Variants in TBX20 observed in about 807,000 individuals in gnomAD.
The protein encoded by TBX20 is T-box transcription factor TBX20.
Under a neutral mutation model 42.9 loss-of-function variants are expected in TBX20, and 8 were observed. The observed-to-expected ratio is 0.19, with a 90% CI of 0.11 to 0.34. TBX20 has a LOEUF of 0.34. Ranked by LOEUF, TBX20 falls within the 10% of genes least tolerant of loss-of-function variation. TBX20 has a pLI of 1.00. For synonymous variants in TBX20, 198 were observed against 222.8 expected (o/e 0.89, Z 0.99); for missense variants, 411 against 566.0 (o/e 0.73, Z 2.78).
At position 35,219,686 on chromosome 7, in the gene TBX20, T is replaced by C. The variant is rs193278670; in HGVS notation, c.890+11818A>G. On this transcript the variant is annotated intron_variant, in intron 6 of 7. Coordinates refer to ENST00000408931, the MANE Select transcript of TBX20 (RefSeq NM_001077653.2). ...CTTTCTTTCCAGCACCATAAATTAT[T>C]ATGAAAGATCCAGGAATTATTCACA... 5.3e-5 allele frequency among the ~76,000 whole-genome samples: 8 copies of C among 152,358 alleles called. No homozygotes were observed. The East Asian group carries it at 1.2e-3, about 22-fold the overall frequency.
intron 6 of TBX20, among the ~76,000 whole-genome samples, chr7:35,218,864 G>A (rs2532156): frequency 6.6e-6 from 1 of 152,142 alleles, no homozygotes; most frequent in African/African-American, 2.4e-5. Context: ...TCATGAATGA[G>A]ACTAGTGCCC....
At chr7:35,219,731 A>T (rs1034587238) in intron 6 of TBX20, among the ~76,000 whole-genome samples, 1 of 152,204 alleles carries the variant, frequency 6.6e-6, no homozygotes, top group Non-Finnish European at 1.5e-5. Context: ...TTCTTTAGCA[A>T]CTCTGCCAAA....
intron 7 of TBX20, 38 bp from the exon 8 acceptor site, chr7:35,202,808 G>A: frequency 1.3e-6 from 2 of 1,497,854 alleles, no homozygotes; most frequent in South Asian, 2.4e-5. Flanking sequence ...GAAACACTGT[G>A]TCAATGTACA....
chr7:35,234,975 G>C (rs569355143), intron 5 of TBX20, among the ~76,000 whole-genome samples: 2 of 152,076 alleles, frequency 1.3e-5, no homozygotes, highest in African/African-American at 4.8e-5. Context: ...GAATCTACTA[G>C]GGTGTCCACA....
intron 6 of TBX20, among the ~76,000 whole-genome samples, chr7:35,207,603 T>C (rs1789421378): frequency 6.6e-6 from 1 of 152,186 alleles, no homozygotes; most frequent in Non-Finnish European, 1.5e-5. Context: ...TTTCTGTAAG[T>C]GTTATAGTGT....
In TBX20 at chr7:35,244,989, T is replaced by G; in HGVS notation, c.614A>C (p.Lys205Thr). Reference protein sequence around the residue: ...QLLKQMVSFEKVKLTNNELDQ... With the variant: ...QLLKQMVSFETVKLTNNELDQ... ...CAGTTCATTGTTGGTGAGTTTCACC[T>G]TTTCAAAAGACACCATCTGTTTGAG... The change falls in exon 4 of 8, where the codon AAG becomes ACG. Residue 205 changes from lysine to threonine, a missense_variant. Lys to Thr is a moderately conservative substitution (Grantham distance 78). Transcript: ENST00000408931. 1 of 1,613,658 alleles carries G rather than the reference T, an allele frequency of 6.2e-7. No homozygotes were observed. The highest frequency in any genetic ancestry group is 8.5e-7 in the Non-Finnish European group (1 of 1,179,624).
chr7:35,221,475 A>G (rs1244178594), intron 6 of TBX20, among the ~76,000 whole-genome samples: 2 of 152,146 alleles, frequency 1.3e-5, no homozygotes, highest in African/African-American at 4.8e-5. Flanking sequence ...TTCTAGAAAC[A>G]TTTTGTCCAG....
chr7:35,250,431 A>G (rs540054778), intron 1 of TBX20, among the ~76,000 whole-genome samples: 1 of 152,318 alleles, frequency 6.6e-6, no homozygotes, highest in Non-Finnish European at 1.5e-5. Context: ...TTCTAGAATG[A>G]CTGCTTTTCA....
chr7:35,214,142 G>A (rs1789543727), intron 6 of TBX20, among the ~76,000 whole-genome samples: 1 of 152,060 alleles, frequency 6.6e-6, no homozygotes, highest in African/African-American at 2.4e-5. Context: ...GCCTTTAAAA[G>A]TATATCTAAA....
At chr7:35,243,879 G>C (rs186309936) in intron 4 of TBX20, among the ~76,000 whole-genome samples, 292 of 152,298 alleles carry the variant, frequency 1.9e-3, no homozygotes, top group African/African-American at 6.8e-3. Context: ...GTCTCCTGTG[G>C]GCAGAGGGAT....
chr7:35,206,220 G>T (rs1464978442), intron 6 of TBX20, among the ~76,000 whole-genome samples: 1 of 152,202 alleles, frequency 6.6e-6, no homozygotes, highest in Non-Finnish European at 1.5e-5. Context: ...ATTGAGATAT[G>T]ATTAAAATAC....
At chr7:35,222,347 A>G (rs1308195077) in intron 6 of TBX20, among the ~76,000 whole-genome samples, 1 of 152,190 alleles carries the variant, frequency 6.6e-6, no homozygotes, top group Admixed American at 6.5e-5. Context: ...CTTGATAAAT[A>G]TAACAAAAGA....
chr7:35,206,435 C>G (rs2128709979), intron 6 of TBX20, among the ~76,000 whole-genome samples: 1 of 152,290 alleles, frequency 6.6e-6, no homozygotes, highest in African/African-American at 2.4e-5. Context: ...ATAAACCCAG[C>G]TACTCAGGAA....
intron 6 of TBX20, among the ~76,000 whole-genome samples, chr7:35,229,021 G>C (rs1789823907): frequency 6.6e-6 from 1 of 152,150 alleles, no homozygotes. Context: ...AGCTCGTGTA[G>C]CTGTAGAAGG....
intron 5 of TBX20, among the ~76,000 whole-genome samples, chr7:35,239,744 T>A (rs116275418): frequency 0.011 from 1,702 of 152,094 alleles, 31 homozygotes; most frequent in African/African-American, 0.039. Context: ...AATTTAAGTT[T>A]TTTTTTTTAA....
At chr7:35,226,390 C>G (rs898189435) in intron 6 of TBX20, among the ~76,000 whole-genome samples, 18 of 111,556 alleles carry the variant, frequency 1.6e-4, no homozygotes, top group Middle Eastern at 0.012. Context: ...ATTTAGAGAA[C>G]AAGGTGAACA....
In TBX20 at chr7:35,215,298, G is replaced by A. The variant is rs567145455; in HGVS notation, c.891-10716C>T. Among the ~76,000 whole-genome samples, 3 of 152,332 alleles carry A rather than the reference G, an allele frequency of 2.0e-5. No homozygotes were observed. The East Asian group carries it at 5.8e-4, about 29-fold the overall frequency. On this transcript the variant is annotated intron_variant, in intron 6 of 7. Coordinates refer to ENST00000408931, the MANE Select transcript of TBX20 (RefSeq NM_001077653.2). ...ATGGCATAATTGAATTATTGCCTAA[G>A]TGATTGAAAACAGTGGTGCATATCA...
intron 6 of TBX20, among the ~76,000 whole-genome samples, chr7:35,218,931 T>C (rs1164869750): frequency 2.6e-5 from 4 of 152,210 alleles, no homozygotes; most frequent in African/African-American, 4.8e-5. Context: ...GCACCATTTA[T>C]GAAGCAGAGT....
At chr7:35,233,803 T>C (rs1445591941) in intron 5 of TBX20, among the ~76,000 whole-genome samples, 2 of 152,262 alleles carry the variant, frequency 1.3e-5, no homozygotes, top group Admixed American at 6.5e-5. Context: ...TTATAGTTCA[T>C]TAATATGCTT....
Sources: gnomAD v4.1 joint callset for allele counts (sites outside exome capture counted in the v4.1 genomes callset) on GRCh38, gnomAD v4.1.1 for gene constraint, MANE v1.5 for transcripts, NCBI Gene and HGNC (gene_info 2026-07-23, HGNC 2026-07-21) for gene names.